Variants in FHIT observed in about 807,000 individuals in gnomAD.
FHIT encodes bis(5'-adenosyl)-triphosphatase.
A neutral mutation model predicts 17.9 loss-of-function variants in FHIT; 19 were observed. The ratio of observed to expected loss-of-function variants is 1.06; its 90% confidence interval spans 0.74 to 1.56. FHIT has a LOEUF of 1.56. Among genes scored for constraint, FHIT ranks in the 40% most tolerant of loss-of-function variants. The pLI, the probability that FHIT is intolerant of heterozygous loss-of-function variation, is 0.00. For synonymous variants in FHIT, 81 were observed against 69.7 expected (o/e 1.16, Z -0.81); for missense variants, 248 against 189.2 (o/e 1.31, Z -1.82).
At chr3:60,441,980 T>A (rs2030923650) in intron 5 of FHIT, among the ~76,000 whole-genome samples, 1 of 150,580 alleles carries the variant, frequency 6.6e-6, no homozygotes, top group Admixed American at 6.7e-5. Context: ...TGCCTTAGTC[T>A]TTCATATACC....
At chr3:61,064,825 C>A (rs1356448550) in intron 2 of FHIT, among the ~76,000 whole-genome samples, 1 of 152,130 alleles carries the variant, frequency 6.6e-6, no homozygotes, top group East Asian at 1.9e-4. Flanking sequence ...GACAAAAATT[C>A]ATGACCCTTG....
chr3:61,049,724 T>G (rs2033955567), intron 2 of FHIT, among the ~76,000 whole-genome samples: 1 of 152,138 alleles, frequency 6.6e-6, no homozygotes, highest in South Asian at 2.1e-4. Flanking sequence ...AGGACATGCT[T>G]TCCTAAAATA....
Position 60,262,070 on chromosome 3 carries a change from C to T in FHIT, c.104-247918G>A, listed in dbSNP as rs72872819. 1.0e-2 allele frequency among the ~76,000 whole-genome samples: 1,519 copies of T among 151,984 alleles called. 25 individuals carry two copies. The highest frequency in any genetic ancestry group is 0.035 in the African/African-American group (1,442 of 41,464). ...TTTGGGTCTTCATTTTGGAATGATC[C>T]TGTGTCACATAAAACTTATGTTAAA... On this transcript the variant is annotated intron_variant, in intron 5 of 9. Transcript: ENST00000492590.
At chr3:60,368,184 A>AAAAAAAAAT in intron 5 of FHIT, among the ~76,000 whole-genome samples, 1 of 142,686 alleles carries the variant, frequency 7.0e-6, no homozygotes. Context: ...AAATCATAAA[A>AAAAAAAAAT]CATATCTTTT....
chr3:60,583,995 G>C (rs2037827480), intron 4 of FHIT, among the ~76,000 whole-genome samples: 1 of 152,084 alleles, frequency 6.6e-6, no homozygotes, highest in Non-Finnish European at 1.5e-5. Flanking sequence ...GAAGGTCACA[G>C]AGGGCTGTCA....
chr3:60,973,272 G>A (rs570442375), intron 3 of FHIT, among the ~76,000 whole-genome samples: 8 of 152,190 alleles, frequency 5.3e-5, no homozygotes, highest in Admixed American at 5.2e-4. Context: ...CTTACCCTAG[G>A]TTGTAGTTCT....
At chr3:61,239,998 A>T (rs776177531) in intron 1 of FHIT, among the ~76,000 whole-genome samples, 2 of 152,042 alleles carry the variant, frequency 1.3e-5, no homozygotes, top group Non-Finnish European at 2.9e-5. Flanking sequence ...AGTTGGACCC[A>T]GCTGTTCCAT....
intron 3 of FHIT, among the ~76,000 whole-genome samples, chr3:61,040,821 T>A (rs1198631777): frequency 6.6e-6 from 1 of 152,146 alleles, no homozygotes; most frequent in East Asian, 1.9e-4. Flanking sequence ...TTATACCTTA[T>A]TCCCCCGATG....
At chr3:61,049,096 G>A (rs931078099) in intron 2 of FHIT, among the ~76,000 whole-genome samples, 2 of 151,598 alleles carry the variant, frequency 1.3e-5, no homozygotes, top group Admixed American at 6.6e-5. Flanking sequence ...TGCACATTGG[G>A]CACATGTACC....
chr3:60,326,069 C>G (rs1055540537), intron 5 of FHIT, among the ~76,000 whole-genome samples: 1 of 152,022 alleles, frequency 6.6e-6, no homozygotes, highest in East Asian at 1.9e-4. Context: ...ACATCCTAAA[C>G]CAGCAGTCAG....
chr3:60,659,721 AC>A (rs1236865579), intron 4 of FHIT, among the ~76,000 whole-genome samples: 2 of 152,098 alleles, frequency 1.3e-5, no homozygotes, highest in Non-Finnish European at 2.9e-5. Context: ...TCTTTAAGAT[AC>A]TTGTTTTAGA....
intron 2 of FHIT, among the ~76,000 whole-genome samples, chr3:61,179,642 A>C (rs996629575): frequency 6.9e-6 from 1 of 143,936 alleles, no homozygotes; most frequent in African/African-American, 2.6e-5. Context: ...CAGGAAGTCA[A>C]GGCTGCTGTG....
chr3:60,695,144 C>G (rs1423253744), intron 4 of FHIT, among the ~76,000 whole-genome samples: 1 of 152,116 alleles, frequency 6.6e-6, no homozygotes, highest in Non-Finnish European at 1.5e-5. Flanking sequence ...CTTGTAATCC[C>G]AGCACTATGG....
intron 5 of FHIT, among the ~76,000 whole-genome samples, chr3:60,104,156 T>C (rs1426519209): frequency 6.6e-6 from 1 of 152,156 alleles, no homozygotes; most frequent in Non-Finnish European, 1.5e-5. Context: ...ATCAAACCAG[T>C]ATACTATAAA....
chr3:59,784,901 T>C (rs1297231408), intron 8 of FHIT, among the ~76,000 whole-genome samples: 3 of 152,156 alleles, frequency 2.0e-5, no homozygotes, highest in Non-Finnish European at 4.4e-5. Context: ...CAGGGTAGTT[T>C]ATAAAGAAAA....
intron 5 of FHIT, among the ~76,000 whole-genome samples, chr3:60,417,098 A>G (rs6784116): frequency 0.23 from 34,800 of 151,052 alleles, 4,207 homozygotes; most frequent in Middle Eastern, 0.29. Context: ...CAGAAAGAAA[A>G]AAAAAAAAAA....
intron 3 of FHIT, among the ~76,000 whole-genome samples, chr3:60,875,966 A>AGTGTGTGTGT (rs1704636079): frequency 1.4e-5 from 1 of 71,980 alleles, no homozygotes; most frequent in African/African-American, 4.0e-5. Flanking sequence ...TGTGTGTGTA[A>AGTGTGTGTGT]ATGAATAGAT....
chr3:59,992,003 T>A (rs1699295087), intron 7 of FHIT, among the ~76,000 whole-genome samples: 1 of 152,012 alleles, frequency 6.6e-6, no homozygotes, highest in South Asian at 2.1e-4. Flanking sequence ...GAAAGAGTCT[T>A]TAACGTATGC....
At chr3:61,112,847 T>C (rs958994798) in intron 2 of FHIT, among the ~76,000 whole-genome samples, 1 of 152,194 alleles carries the variant, frequency 6.6e-6, no homozygotes, top group Non-Finnish European at 1.5e-5. Flanking sequence ...TGATGAGGCA[T>C]TAATGAGACC....
Sources: allele counts gnomAD v4.1 joint callset (sites outside exome capture counted in the v4.1 genomes callset), GRCh38; gene constraint gnomAD v4.1.1; transcripts MANE v1.5; gene names NCBI Gene and HGNC (gene_info 2026-07-23, HGNC 2026-07-21).